The following SLAIN2 variants were observed in gnomAD, a reference collection of about 807,000 sequenced individuals.
SLAIN2 encodes the protein SLAIN family member 2, also known as SLAIN motif-containing protein 2.
Under a neutral mutation model 56.6 loss-of-function variants are expected in SLAIN2, and 31 were observed. That is an observed-to-expected ratio of 0.55 (90% CI 0.41 to 0.74). The LOEUF is 0.74. Ranked by LOEUF, SLAIN2 falls within the 30% of genes least tolerant of loss-of-function variation. The pLI is 0.00. For synonymous variants in SLAIN2, 317 were observed against 284.9 expected (o/e 1.11, Z -1.13); for missense variants, 777 against 754.2 (o/e 1.03, Z -0.35).
At chr4:48,397,498 T>G (rs28692953) in intron 6 of SLAIN2, among the ~76,000 whole-genome samples, 3,165 of 152,222 alleles carry the variant, frequency 0.021, 114 homozygotes, top group African/African-American at 0.072. Flanking sequence ...AAGATTTTTG[T>G]TTTTCCTTCA....
chr4:48,376,456 G>GAAA (rs143849551), intron 2 of SLAIN2, among the ~76,000 whole-genome samples: 1 of 127,548 alleles, frequency 7.8e-6, no homozygotes, highest in Non-Finnish European at 1.7e-5. Context: ...TTGTCTCAGA[G>GAAA]AAAAAAAAAA....
chr4:48,365,157 T>G (rs1715479567), intron 1 of SLAIN2, among the ~76,000 whole-genome samples: 1 of 152,008 alleles, frequency 6.6e-6, no homozygotes, highest in African/African-American at 2.4e-5. Context: ...ACTTAAAAAT[T>G]TATCCTTTTT....
chr4:48,349,905 T>C (rs959295145), intron 1 of SLAIN2, among the ~76,000 whole-genome samples: 2 of 152,204 alleles, frequency 1.3e-5, no homozygotes, highest in Admixed American at 6.5e-5. Context: ...ACCCAAGATA[T>C]GTATTTGATC....
At chr4:48,374,426 G>T (rs1715751021) in intron 2 of SLAIN2, among the ~76,000 whole-genome samples, 1 of 152,034 alleles carries the variant, frequency 6.6e-6, no homozygotes, top group Non-Finnish European at 1.5e-5. Flanking sequence ...TTTTACTAGA[G>T]ACGAGGTTTC....
chr4:48,349,580 T>C (rs1389002793), intron 1 of SLAIN2, among the ~76,000 whole-genome samples: 1 of 152,248 alleles, frequency 6.6e-6, no homozygotes, highest in Non-Finnish European at 1.5e-5. Flanking sequence ...ACAGAAGCAC[T>C]TTGTTTTAAA....
At chr4:48,357,846 C>A (rs1472092345) in intron 1 of SLAIN2, among the ~76,000 whole-genome samples, 3 of 152,106 alleles carry the variant, frequency 2.0e-5, no homozygotes, top group Non-Finnish European at 4.4e-5. Flanking sequence ...TGAGCCACCG[C>A]ACCCGGCCCC....
chr4:48,410,969 TC>T (rs1716828933), intron 6 of SLAIN2, among the ~76,000 whole-genome samples: 1 of 152,076 alleles, frequency 6.6e-6, no homozygotes, highest in Non-Finnish European at 1.5e-5. Flanking sequence ...CTCCTCTTCC[TC>T]CTCCTCTTCC....
At chr4:48,349,983 A>G (rs1714969960) in intron 1 of SLAIN2, among the ~76,000 whole-genome samples, 1 of 152,230 alleles carries the variant, frequency 6.6e-6, no homozygotes, top group Admixed American at 6.5e-5. Flanking sequence ...CATTTATTGA[A>G]CTGGGTAGCA....
intron 6 of SLAIN2, chr4:48,394,502 A>C: frequency 8.7e-7 from 1 of 1,153,164 alleles, no homozygotes; most frequent in Non-Finnish European, 1.2e-6. Flanking sequence ...GTATTAAAAC[A>C]TTCAAGTTTA....
At chr4:48,403,631 T>C (rs1156947518) in intron 6 of SLAIN2, among the ~76,000 whole-genome samples, 1 of 152,116 alleles carries the variant, frequency 6.6e-6, no homozygotes, top group Admixed American at 6.5e-5. Flanking sequence ...TCAGGCAGTC[T>C]CCAGCCTGCT....
chr4:48,346,188 A>G (rs369833401), intron 1 of SLAIN2, among the ~76,000 whole-genome samples: 3 of 152,138 alleles, frequency 2.0e-5, no homozygotes, highest in South Asian at 2.1e-4. Context: ...TTTTCATCCA[A>G]TTTTGAATTT....
rs1553905114 is a variant in SLAIN2, at chr4:48,412,407, C to CACAA, written c.1361-7715_1361-7714insAACA. 7.0e-3 allele frequency among the ~76,000 whole-genome samples: 441 copies of CACAA among 63,134 alleles called. 15 individuals are homozygous for CACAA. Among genetic ancestry groups the CACAA allele is most frequent in the African/African-American group, 0.023 (425 of 18,804 alleles). 41.4% of individuals were successfully genotyped at this position (63,134 alleles called of 152,430 possible). On this transcript the variant is annotated intron_variant, in intron 6 of 7. Coordinates refer to ENST00000264313, the MANE Select transcript of SLAIN2 (RefSeq NM_020846.2). ...ACACACACACACACACACACACACA[C>CACAA]ACACACACATTCCCTCTCTCTCTCT...
At chr4:48,391,527 C>G (rs759991656) in intron 6 of SLAIN2, among the ~76,000 whole-genome samples, 1 of 152,108 alleles carries the variant, frequency 6.6e-6, no homozygotes, top group Admixed American at 6.5e-5. Flanking sequence ...AATAGAAAGC[C>G]GACCAACTTG....
At chr4:48,368,944 G>A (rs1715596054) in intron 1 of SLAIN2, among the ~76,000 whole-genome samples, 1 of 152,122 alleles carries the variant, frequency 6.6e-6, no homozygotes, top group Non-Finnish European at 1.5e-5. Context: ...TTATTTAAAT[G>A]TTTACAGTGA....
chr4:48,344,912 C>G (rs987188804), intron 1 of SLAIN2, among the ~76,000 whole-genome samples: 4 of 152,196 alleles, frequency 2.6e-5, no homozygotes, highest in Non-Finnish European at 4.4e-5. Flanking sequence ...TAAAGAGTTG[C>G]AATTCTCACT....
In SLAIN2 at chr4:48,369,865, A is replaced by G. The variant is rs1301210191; in HGVS notation, c.406A>G (p.Lys136Glu). The G allele has an allele frequency of 1.2e-6, 2 of 1,613,172 alleles. No homozygotes were observed. Among genetic ancestry groups the G allele is most frequent in the African/African-American group, 2.7e-5 (2 of 74,892 alleles). Residue 136 changes from lysine to glutamate, a missense_variant, in exon 2 of 8, where the codon AAG (lysine) becomes GAG (glutamate). Coordinates refer to ENST00000264313, the MANE Select transcript of SLAIN2 (RefSeq NM_020846.2). Reference sequence around the variant, plus strand: ...TTCTTCTAGGCTGTATTCATCACCAAAGAAAAAACTTACACCAATGCAGAA... The same window carrying G: ...TTCTTCTAGGCTGTATTCATCACCAGAGAAAAAACTTACACCAATGCAGAA... ...EEESWLYSSPKKKLTPMQKSV... is the reference protein window; with the variant it reads ...EEESWLYSSPEKKLTPMQKSV...
Position 48,420,162 on chromosome 4 carries a change from A to G in SLAIN2, c.1398A>G (p.Pro466=), listed in dbSNP as rs372740078. The G allele has an allele frequency of 2.1e-4, 339 of 1,613,748 alleles. No individual in the cohort carries two copies. The highest frequency in any genetic ancestry group is 3.3e-4 in the Middle Eastern group (2 of 6,082). Residue 466 remains proline, a synonymous_variant, in exon 7 of 8, where the codon CCA becomes CCG. Transcript: ENST00000264313. ...GCAAATTCCGTTCCCCTGCAGCACC[A>G]TCTCCTTTGGCTCTTCGGCAACCAG... ...SPGKFRSPAA[P]SPLALRQPVK... is the part of the protein sequence containing the mutation.
intron 6 of SLAIN2, among the ~76,000 whole-genome samples, chr4:48,414,570 T>TA (rs1716950085): frequency 8.6e-6 from 1 of 115,896 alleles, no homozygotes; most frequent in Non-Finnish European, 1.9e-5. Context: ...TTTTTTTTTT[T>TA]ATTATACTCT....
At chr4:48,417,802 C>A (rs1355680778) in intron 6 of SLAIN2, among the ~76,000 whole-genome samples, 11 of 148,834 alleles carry the variant, frequency 7.4e-5, no homozygotes, top group African/African-American at 2.5e-4. Flanking sequence ...ATTCAACAAC[C>A]CTTCATGCTA....
Sources: gnomAD v4.1 joint callset for allele counts (sites outside exome capture counted in the v4.1 genomes callset) on GRCh38, gnomAD v4.1.1 for gene constraint, MANE v1.5 for transcripts, NCBI Gene and HGNC (gene_info 2026-07-23, HGNC 2026-07-21) for gene names.